MAPK8IP3: variants seen among roughly 807,000 people sequenced by gnomAD.
MAPK8IP3 encodes mitogen-activated protein kinase 8 interacting protein 3.
Under a neutral mutation model 157.8 loss-of-function variants are expected in MAPK8IP3, and 49 were observed. The ratio of observed to expected loss-of-function variants is 0.31; its 90% CI spans 0.25 to 0.39. The LOEUF is 0.39. MAPK8IP3 is among the 10% of genes least tolerant of loss of function. MAPK8IP3 has a pLI of 1.00. For synonymous variants in MAPK8IP3, 897 were observed against 777.7 expected (o/e 1.15, Z -2.55); for missense variants, 1,478 against 1,889.4 (o/e 0.78, Z 4.04).
chr16:1,721,518 G>A (rs938399977), intron 1 of MAPK8IP3, among the ~76,000 whole-genome samples: 2 of 151,912 alleles, frequency 1.3e-5, no homozygotes, highest in African/African-American at 4.8e-5. Flanking sequence ...CTGCAGCCCC[G>A]ACCTCCTGGG....
intron 1 of MAPK8IP3, among the ~76,000 whole-genome samples, chr16:1,716,856 G>A (rs569918800): frequency 2.0e-5 from 3 of 152,114 alleles, no homozygotes; most frequent in East Asian, 3.9e-4. Context: ...CAAGGAGATC[G>A]AGACCATCCT....
Position 1,743,754 on chromosome 16 carries a change from C to T in MAPK8IP3, c.747+278C>T, listed in dbSNP as rs2040813598. The T allele has an allele frequency of 1.1e-5, 15 of 1,329,146 alleles. No homozygotes were observed. Among genetic ancestry groups the T allele is most frequent in the Non-Finnish European group, 1.4e-5 (15 of 1,045,412 alleles). The allele number at this position is 1,329,146 out of a possible 1,614,324, so 82.3% of individuals were successfully genotyped here. A position where few individuals can be genotyped will look rare whatever the true frequency, so the allele number is the denominator to read the frequency against. On this transcript the variant is annotated intron_variant, in intron 5 of 31. Transcript: ENST00000610761. The surrounding 1 kb of genome is among the most constrained non-coding windows in gnomAD (Gnocchi z 5.6). ...GCCCTTGGATAGACCGCTCTGTAGC[C>T]AGGGGTGTACAGTGCCTGTCAGGGT...
rs150460551 is a variant in MAPK8IP3, at chr16:1,709,562, A to C, written c.318+2905A>C. 7.1e-3 allele frequency among the ~76,000 whole-genome samples: 1,084 copies of C among 152,368 alleles called. 10 individuals are homozygous for C. The highest frequency in any genetic ancestry group is 0.014 in the South Asian group (69 of 4,824). On this transcript the variant is annotated intron_variant, in intron 1 of 31. Transcript: ENST00000610761. ...AGGCACCGGACATTGCTAGCCGCCT[A>C]CCAGACAGTGCAGTTTCTGGTTGTG...
chr16:1,756,678 C>T (rs1189389773), intron 8 of MAPK8IP3, among the ~76,000 whole-genome samples: 4 of 146,434 alleles, frequency 2.7e-5, no homozygotes, highest in East Asian at 4.0e-4. Flanking sequence ...ACAAATTAGC[C>T]GGGCGTGGTG....
rs1472713864 is a variant in MAPK8IP3 at position 1,766,767 on chromosome 16, A to G, written c.2984A>G (p.His995Arg). The G allele has an allele frequency of 1.9e-6, 3 of 1,612,722 alleles. No homozygotes were observed. Among genetic ancestry groups the G allele is most frequent in the South Asian group, 2.2e-5 (2 of 91,084 alleles). The change falls in exon 24 of 32, where the codon CAC becomes CGC. Residue 995 changes from histidine (H) to arginine (R), a missense_variant. His to Arg is a conservative substitution (Grantham distance 29). Coordinates refer to ENST00000610761, the MANE Select transcript of MAPK8IP3 (RefSeq NM_001318852.2). ...GTGGCCAACTGGAAGAAGTGCCTGC[A>G]CTCCATCAAGCTGAAGGATTCTGTG... ...SAVANWKKCL[H>R]SIKLKDSVLS... is the part of the protein sequence containing the mutation.
chr16:1,760,348 C>G, intron 11 of MAPK8IP3, 32 bp from the exon 12 acceptor site: 1 of 1,596,022 alleles, frequency 6.3e-7, no homozygotes, highest in Non-Finnish European at 8.6e-7. Context: ...ATGCCGCGCC[C>G]GTGGCACTCC....
At chr16:1,758,456 G>C (rs1461600749) in intron 9 of MAPK8IP3, among the ~76,000 whole-genome samples, 1 of 152,196 alleles carries the variant, frequency 6.6e-6, no homozygotes, top group Non-Finnish European at 1.5e-5. Context: ...ACATGGCCAA[G>C]GCCAGCTCTG....
At position 1,710,224 on chromosome 16, in the gene MAPK8IP3, T is replaced by C. The variant is rs552055354; in HGVS notation, c.318+3567T>C. Among the ~76,000 whole-genome samples, 5 of 151,480 alleles carry C rather than the reference T, an allele frequency of 3.3e-5. No homozygotes were observed. The highest frequency in any genetic ancestry group is 9.7e-5 in the African/African-American group (4 of 41,204). On this transcript the variant is annotated intron_variant, in intron 1 of 31. Transcript: ENST00000610761. This position sits in a 1 kb window ranked among gnomAD's most constrained non-coding sequence, Gnocchi z 4.1. ...CACCTCAGCCTCCCAACATTTGACA[T>C]TGAACTCCTGACCTCCTCATCTCAG...
intron 4 of MAPK8IP3, chr16:1,735,099 C>T (rs1192668670): frequency 6.6e-6 from 1 of 152,484 alleles, no homozygotes; most frequent in African/African-American, 2.4e-5. Context: ...TCCAGGGCCT[C>T]TTGTCAAAGC....
At chr16:1,740,332 G>A (rs372939519) in intron 4 of MAPK8IP3, among the ~76,000 whole-genome samples, 5 of 147,516 alleles carry the variant, frequency 3.4e-5, no homozygotes, top group East Asian at 2.0e-4. Flanking sequence ...CCGTGTAGGC[G>A]TCCTTGTGAG....
At chr16:1,737,245 ACCGTGTGAGCGT>A (rs777341738) in intron 4 of MAPK8IP3, among the ~76,000 whole-genome samples, 3 of 59,890 alleles carry the variant, frequency 5.0e-5, no homozygotes, top group Non-Finnish European at 8.5e-5. Context: ...CATCCGTGTG[ACCGTGTGAGCGT>A]CCGTGTGAGC....
intron 1 of MAPK8IP3, among the ~76,000 whole-genome samples, chr16:1,720,406 G>C (rs575488030): frequency 6.6e-6 from 1 of 152,190 alleles, no homozygotes; most frequent in Non-Finnish European, 1.5e-5. Context: ...TGAGCAAACT[G>C]TGCTCTACAC....
rs749089502 is a variant in MAPK8IP3, at chr16:1,759,983, G to A, written c.1272G>A (p.Leu424=). 2 of 1,614,202 alleles carry A rather than the reference G, an allele frequency of 1.2e-6. No individual in the cohort carries two copies. The highest frequency in any genetic ancestry group is 1.7e-5 in the Admixed American group (1 of 60,030). The change falls in exon 11 of 32, where the codon CTG becomes CTA. Residue 424 remains leucine, a synonymous_variant. Coordinates refer to ENST00000610761, the MANE Select transcript of MAPK8IP3 (RefSeq NM_001318852.2). The part of the protein sequence containing the change: ...FFGMGKEVGN[L]LLENSQLLET... ...GAATGGGCAAAGAAGTGGGGAATCT[G>A]CTACTGGAAAACTCACAGCTTCTGG...
At chr16:1,744,579 C>A (rs969334408) in intron 5 of MAPK8IP3, 2 of 985,672 alleles carry the variant, frequency 2.0e-6, no homozygotes, top group Middle Eastern at 5.2e-4. Flanking sequence ...GCCACCTGGG[C>A]CCACCTCCTC....
Position 1,744,041 on chromosome 16 carries a change from C to A in MAPK8IP3, c.747+565C>A, listed in dbSNP as rs568415887. On this transcript the variant is annotated intron_variant, in intron 5 of 31. Transcript: ENST00000610761. ...AGAGCCTCGCCCCAGCAGGTACTCA[C>A]AGCCAGAGTGCGGGGGCCCCAGCAG... The A allele has an allele frequency of 5.1e-6, 5 of 990,030 alleles. No individual in the cohort carries two copies. In the East Asian group the frequency reaches 4.5e-4, roughly 90 times the overall value. The allele number at this position is 990,030 out of a possible 1,614,324, so 61.3% of individuals were successfully genotyped here.
intron 10 of MAPK8IP3, 132 bp from the exon 11 acceptor site, chr16:1,759,826 C>T (rs1418279194): frequency 2.6e-6 from 2 of 772,572 alleles, no homozygotes; most frequent in African/African-American, 3.4e-5. Flanking sequence ...ACGGCCCCCG[C>T]TCCCTGTAGA....
chr16:1,716,128 C>A (rs915813394), intron 1 of MAPK8IP3, among the ~76,000 whole-genome samples: 2 of 152,028 alleles, frequency 1.3e-5, no homozygotes, highest in African/African-American at 2.4e-5. Context: ...ACTTTCCTGG[C>A]CATTGCTCTG....
intron 8 of MAPK8IP3, 104 bp downstream of exon 8, chr16:1,748,824 C>T (rs1468906781): frequency 9.7e-7 from 1 of 1,027,692 alleles, no homozygotes; most frequent in East Asian, 2.4e-5. Context: ...CAGCTGTGAG[C>T]TAGGAACCTT....
rs1442889892 is a variant in MAPK8IP3 at position 1,748,693 on chromosome 16, G to T, written c.1189G>T (p.Asp397Tyr). 1.2e-6 allele frequency: 2 copies of T among 1,614,218 alleles called. No individual in the cohort carries two copies. Among genetic ancestry groups the T allele is most frequent in the Non-Finnish European group, 8.5e-7 (1 of 1,180,042 alleles). Reference protein sequence around the residue: ...LSTAGSEVIGDVDEGADLLGE... With the variant: ...LSTAGSEVIGYVDEGADLLGE... The stretch of plus-strand genomic sequence containing the variant: ...GACGGCAGGGTCTGAGGTCATCGGG[G>T]ATGTGGACGAAGGGGCCGACCTCCT... The change falls in exon 8 of 32, where the codon GAT (aspartate) becomes TAT (tyrosine). Residue 397 changes from aspartate (D) to tyrosine (Y), a missense_variant. Physicochemically the swap from Asp to Tyr is radical, Grantham distance 160 (BLOSUM62 -3). Around this residue, in one of 11 missense-constraint regions of MAPK8IP3, gnomAD observed 315 missense variants for 394.4 expected, o/e 0.80. Coordinates refer to ENST00000610761, the MANE Select transcript of MAPK8IP3 (RefSeq NM_001318852.2).
Sources: gnomAD v4.1 joint callset for allele counts (sites outside exome capture counted in the v4.1 genomes callset) on GRCh38, gnomAD v4.1.1 for gene constraint, gnomAD v4.1.1 regional missense constraint, Gnocchi (gnomAD v3.1) non-coding constraint, MANE v1.5 for transcripts, NCBI Gene and HGNC (gene_info 2026-07-23, HGNC 2026-07-21) for gene names.